AHCYL2: variants seen among roughly 807,000 people sequenced by gnomAD.
AHCYL2 encodes S-adenosylhomocysteine hydrolase-like protein 2.
AHCYL2 carries 28 observed loss-of-function variants against 81.4 expected under a neutral mutation model. The observed-to-expected ratio is 0.34, with a 90% CI of 0.25 to 0.47. AHCYL2 has a LOEUF of 0.47. AHCYL2 is among the 20% of genes least tolerant of loss of function. The probability of loss-of-function intolerance (pLI) is 1.00; values close to 1 mark genes in which losing one functional copy is unlikely to be tolerated. For missense variants in AHCYL2, 551 were observed against 785.1 expected (o/e 0.70, Z 3.56); for synonymous variants, 272 against 290.2 (o/e 0.94, Z 0.64).
At chr7:129,396,739 A>G (rs1401985454) in intron 4 of AHCYL2, among the ~76,000 whole-genome samples, 1 of 151,598 alleles carries the variant, frequency 6.6e-6, no homozygotes, top group African/African-American at 2.4e-5. Flanking sequence ...GGTTTTTTGG[A>G]GACAGGGTCT....
At position 129,426,913 on chromosome 7, in the gene AHCYL2, A is replaced by G; in HGVS notation, c.1830-126A>G. The G allele has an allele frequency of 9.9e-6, 9 of 905,994 alleles. No individual in the cohort carries two copies. Among genetic ancestry groups the G allele is most frequent in the Non-Finnish European group, 1.4e-5 (8 of 579,716 alleles). The allele number at this position is 905,994 out of a possible 1,614,324, so 56.1% of individuals were successfully genotyped here. A position where few individuals can be genotyped will look rare whatever the true frequency, so the allele number is the denominator to read the frequency against. ...AATGATGTGAAAAGGAAACACAGTTATTTCCTGTCACTGTACACTCCAGAA... is the reference window on the plus strand; with the variant it reads ...AATGATGTGAAAAGGAAACACAGTTGTTTCCTGTCACTGTACACTCCAGAA... On this transcript the variant is annotated intron_variant, in intron 16 of 16. Transcript: ENST00000325006. The surrounding 1 kb of genome is among the most constrained non-coding windows in gnomAD (Gnocchi z 4.3).
At chr7:129,359,385 G>T (rs1270376682) in intron 1 of AHCYL2, among the ~76,000 whole-genome samples, 1 of 152,166 alleles carries the variant, frequency 6.6e-6, no homozygotes, top group Admixed American at 6.5e-5. Flanking sequence ...AGGCTCTAGG[G>T]TACTGGGAAT....
chr7:129,238,250 C>T (rs1794709478), intron 1 of AHCYL2, among the ~76,000 whole-genome samples: 2 of 152,098 alleles, frequency 1.3e-5, no homozygotes, highest in African/African-American at 4.8e-5. Context: ...TCACTGAGCT[C>T]AGGGAGGTAG....
At chr7:129,417,130 A>T (rs1289303264) in intron 12 of AHCYL2, among the ~76,000 whole-genome samples, 1 of 152,148 alleles carries the variant, frequency 6.6e-6, no homozygotes, top group Non-Finnish European at 1.5e-5. Context: ...GACTCCGGCA[A>T]AAAAAATTTT....
In AHCYL2 at chr7:129,419,746, C is replaced by CA. The variant is rs1389170507; in HGVS notation, c.1462-3085dup. Among the ~76,000 whole-genome samples the CA allele has an allele frequency of 1.7e-4, 25 of 145,784 alleles. No homozygotes were observed. Among genetic ancestry groups the CA allele is most frequent in the South Asian group, 8.8e-4 (4 of 4,538 alleles). ...GTTGTTCTCCCTGAAAAAAAAAAAA[C>CA]AAAAAAAAACCGGATATGCACTGTT... On this transcript the variant is annotated intron_variant, in intron 12 of 16. Transcript: ENST00000325006. The surrounding 1 kb of genome is among the most constrained non-coding windows in gnomAD (Gnocchi z 4.7).
intron 1 of AHCYL2, among the ~76,000 whole-genome samples, chr7:129,336,026 TTTCTTTTCTTTTCTCTTCTC>T (rs1458749973): frequency 1.3e-4 from 20 of 149,018 alleles, no homozygotes; most frequent in African/African-American, 4.3e-4. Flanking sequence ...TGAAGTTTCT[TTTCTTTTCTTTTCTCTTCTC>T]TTCTTTTCTC....
At chr7:129,313,116 A>C (rs2150778073) in intron 1 of AHCYL2, among the ~76,000 whole-genome samples, 1 of 152,352 alleles carries the variant, frequency 6.6e-6, no homozygotes, top group East Asian at 1.9e-4. Context: ...ACAACCACCC[A>C]AAACAGTCCC....
rs377535405 is a variant in AHCYL2, at chr7:129,405,181, C to T, written c.1110C>T (p.Asn370=). Reference sequence around the variant, plus strand: ...CAGTCACCAAACAGAAATTTGACAACCTCTACTGTTGCCGTGAATCAATTC... The same window carrying T: ...CAGTCACCAAACAGAAATTTGACAATCTCTACTGTTGCCGTGAATCAATTC... ...NDSVTKQKFD[N]LYCCRESILD... is the part of the protein sequence containing the mutation. Residue 370 remains asparagine (N), a synonymous_variant, in exon 8 of 17, where the codon AAC becomes AAT. Coordinates refer to ENST00000325006, the MANE Select transcript of AHCYL2 (RefSeq NM_015328.4). The T allele has an allele frequency of 1.9e-6, 3 of 1,609,002 alleles. No homozygotes were observed. Among genetic ancestry groups the T allele is most frequent in the African/African-American group, 2.7e-5 (2 of 74,480 alleles).
rs780224818 is a variant in AHCYL2, at chr7:129,426,453, G to A, written c.1719G>A (p.Val573=). 2.5e-6 allele frequency: 4 copies of A among 1,614,070 alleles called. No individual in the cohort carries two copies. Among genetic ancestry groups the A allele is most frequent in the Non-Finnish European group, 3.4e-6 (4 of 1,179,982 alleles). Residue 573 remains valine (V), a synonymous_variant, in exon 16 of 17, where the codon GTG becomes GTA. Transcript: ENST00000325006. The surrounding 1 kb of genome is among the most constrained non-coding windows in gnomAD (Gnocchi z 4.3). Reference sequence around the variant, plus strand: ...TGTGGTCTGTTCCAGATGAGTATGTGGCCAGCCTACACCTGCCTACCTTTG... The same window carrying A: ...TGTGGTCTGTTCCAGATGAGTATGTAGCCAGCCTACACCTGCCTACCTTTG... ...YLLPKKMDEY[V]ASLHLPTFDA...
chr7:129,325,460 T>C lies in AHCYL2; in HGVS notation c.364-54178T>C, dbSNP rs185475025. On this transcript the variant is annotated intron_variant, in intron 1 of 16. Coordinates refer to ENST00000325006, the MANE Select transcript of AHCYL2 (RefSeq NM_015328.4). ...CCTCTCGATGCTTTTAAGTTTTCTTTATCACTAGATTTGAGCAATTTGATT... is the reference window on the plus strand; with the variant it reads ...CCTCTCGATGCTTTTAAGTTTTCTTCATCACTAGATTTGAGCAATTTGATT... Among the ~76,000 whole-genome samples, 140 of 152,346 alleles carry C rather than the reference T, an allele frequency of 9.2e-4. 1 individual carries two copies. The highest frequency in any genetic ancestry group is 3.0e-3 in the African/African-American group (126 of 41,598).
chr7:129,232,707 A>G (rs1794490568), intron 1 of AHCYL2, among the ~76,000 whole-genome samples: 2 of 152,230 alleles, frequency 1.3e-5, no homozygotes, highest in Admixed American at 1.3e-4. Context: ...AGTCTCTAGC[A>G]GCAAGATCAA....
At chr7:129,418,147 G>A (rs1231488331) in intron 12 of AHCYL2, among the ~76,000 whole-genome samples, 2 of 152,114 alleles carry the variant, frequency 1.3e-5, no homozygotes, top group African/African-American at 4.8e-5. Flanking sequence ...AAGGGGGTGA[G>A]GAGAAGAGTT....
intron 1 of AHCYL2, among the ~76,000 whole-genome samples, chr7:129,334,184 T>A (rs930647416): frequency 6.6e-6 from 1 of 152,226 alleles, no homozygotes; most frequent in Admixed American, 6.5e-5. Context: ...GAGGCCAGGC[T>A]ACAGAAGTTA....
At chr7:129,261,188 A>C (rs189419161) in intron 1 of AHCYL2, among the ~76,000 whole-genome samples, 1 of 152,208 alleles carries the variant, frequency 6.6e-6, no homozygotes, top group African/African-American at 2.4e-5. Context: ...CGTTGTTTCT[A>C]TATGTTCAGA....
intron 1 of AHCYL2, among the ~76,000 whole-genome samples, chr7:129,323,460 G>A (rs764101125): frequency 5.3e-5 from 8 of 151,980 alleles, no homozygotes; most frequent in Admixed American, 1.3e-4. Flanking sequence ...ATTTAAATTC[G>A]TTTTATGGCC....
At chr7:129,422,440 A>G (rs1797160751) in intron 12 of AHCYL2, among the ~76,000 whole-genome samples, 3 of 152,170 alleles carry the variant, frequency 2.0e-5, no homozygotes, top group Admixed American at 2.0e-4. Context: ...TTTGCACTGT[A>G]TTAATTTGCA....
chr7:129,375,968 G>C (rs1338436095), intron 1 of AHCYL2: 1 of 1,535,530 alleles, frequency 6.5e-7, no homozygotes, highest in Non-Finnish European at 8.7e-7. Flanking sequence ...CGCTGCTATA[G>C]CCATTATTGT....
chr7:129,298,127 A>G (rs1399232242), intron 1 of AHCYL2, among the ~76,000 whole-genome samples: 1 of 152,226 alleles, frequency 6.6e-6, no homozygotes, highest in Non-Finnish European at 1.5e-5. Context: ...GTTTAATTTG[A>G]TAGGAAAGAC....
chr7:129,296,156 A>G (rs1342167792), intron 1 of AHCYL2, among the ~76,000 whole-genome samples: 34 of 152,200 alleles, frequency 2.2e-4, no homozygotes, highest in Non-Finnish European at 4.4e-5. Flanking sequence ...ATGTAGGATT[A>G]CCCCTATGAT....
Sources: allele counts gnomAD v4.1 joint callset (sites outside exome capture counted in the v4.1 genomes callset), GRCh38; gene constraint gnomAD v4.1.1; non-coding constraint Gnocchi (gnomAD v3.1); transcripts MANE v1.5; gene names NCBI Gene and HGNC (gene_info 2026-07-23, HGNC 2026-07-21).